The following OR2AK2 variants were observed in gnomAD, a reference collection of about 807,000 sequenced individuals.
OR2AK2 encodes the protein olfactory receptor 2AK2.
For missense variants in OR2AK2, 392 were observed against 384.1 expected, an observed-to-expected ratio of 1.02 and a Z score of -0.17; for synonymous variants, 139 against 147.2, an observed-to-expected ratio of 0.94 and a Z score of 0.40.
rs776368432 is a variant in OR2AK2, at chr1:247,966,156, A to G, written c.780A>G (p.Thr260=). 5 of 1,614,134 alleles carry G rather than the reference A, an allele frequency of 3.1e-6. No individual in the cohort carries two copies. In the South Asian group the frequency reaches 5.5e-5, roughly 18 times the overall value. The change falls in exon 1 of 1, where the codon ACA becomes ACG. Residue 260 remains threonine, a synonymous_variant. Transcript: ENST00000366480. Reference sequence around the variant, plus strand: ...ATGCAACCACTCTCTTTACCTACACAAGGCCACACTCCTTGCGTTCCCCTT... The same window carrying G: ...ATGCAACCACTCTCTTTACCTACACGAGGCCACACTCCTTGCGTTCCCCTT...
exon 1 of OR2AK2, chr1:247,965,655 A>G (rs1375514915): frequency 6.5e-7 from 1 of 1,545,546 alleles, no homozygotes; most frequent in South Asian, 1.3e-5. Context: ...AGACCATTAG[A>G]TTTTTGGGCT....
chr1:247,966,377 T>C (rs1660976968), exon 1 of OR2AK2: 1 of 1,556,560 alleles, frequency 6.4e-7, no homozygotes, highest in African/African-American at 1.4e-5. Flanking sequence ...TCCTGAAAAC[T>C]ATCTGGAAAG....
At chr1:247,966,318 T>C in exon 1 of OR2AK2, 1 of 1,613,016 alleles carries the variant, frequency 6.2e-7, no homozygotes, top group African/African-American at 1.3e-5. Flanking sequence ...GTAGAAAATA[T>C]GACTTCAGAT....
At chr1:247,965,514 C>T (rs1399022882) in exon 1 of OR2AK2, 3 of 1,613,198 alleles carry the variant, frequency 1.9e-6, no homozygotes, top group East Asian at 2.2e-5. Flanking sequence ...TCATGCTGAT[C>T]CACCTCATTC....
At chr1:247,965,793 G>T in exon 1 of OR2AK2, 1 of 1,604,306 alleles carries the variant, frequency 6.2e-7, no homozygotes, top group Non-Finnish European at 8.5e-7. Flanking sequence ...TGAGCAAGAA[G>T]ATCTGCTGCC....
exon 1 of OR2AK2, chr1:247,965,838 C>G (rs747104135): frequency 9.3e-6 from 15 of 1,613,292 alleles, no homozygotes; most frequent in Non-Finnish European, 1.3e-5. Context: ...GTGGTTCTAT[C>G]AATGCTTTCA....
At chr1:247,966,250 C>G (rs1219951619) in exon 1 of OR2AK2, 1 of 1,612,892 alleles carries the variant, frequency 6.2e-7, no homozygotes, top group Admixed American at 1.7e-5. Flanking sequence ...TATCTACAGC[C>G]TGAGAAATAA....
exon 1 of OR2AK2, chr1:247,965,663 G>T: frequency 6.5e-7 from 1 of 1,545,956 alleles, no homozygotes; most frequent in Non-Finnish European, 8.7e-7. Context: ...AGATTTTTGG[G>T]CTGTGAGATT....
chr1:247,966,274 G>T (rs773864972), exon 1 of OR2AK2: 3 of 1,613,672 alleles, frequency 1.9e-6, no homozygotes, highest in Admixed American at 1.7e-5. Flanking sequence ...AGTGACGGGG[G>T]CAGTGAGGAG....
chr1:247,965,937 G>C, exon 1 of OR2AK2: 1 of 1,610,404 alleles, frequency 6.2e-7, no homozygotes, highest in Non-Finnish European at 8.5e-7. Context: ...TACTATCATT[G>C]GTGTGTCAGG....
At chr1:247,965,476 C>T in exon 1 of OR2AK2, 1 of 1,613,894 alleles carries the variant, frequency 6.2e-7, no homozygotes, top group African/African-American at 1.3e-5. Context: ...CATTGCCACC[C>T]TCTTTACAGT....
At chr1:247,965,882 G>C (rs147425585) in exon 1 of OR2AK2, 5 of 1,613,716 alleles carry the variant, frequency 3.1e-6, no homozygotes, top group South Asian at 2.2e-5. Context: ...CTTCCATTCT[G>C]TAGGTCTCGG....
At chr1:247,965,932 T>C in exon 1 of OR2AK2, 1 of 1,611,088 alleles carries the variant, frequency 6.2e-7, no homozygotes, top group Non-Finnish European at 8.5e-7. Flanking sequence ...AGCTCTACTA[T>C]CATTGGTGTG....
exon 1 of OR2AK2, chr1:247,965,874 T>C: frequency 6.2e-7 from 1 of 1,613,870 alleles, no homozygotes; most frequent in Non-Finnish European, 8.5e-7. Context: ...TGTTTCAGCT[T>C]CCATTCTGTA....
exon 1 of OR2AK2, chr1:247,966,175 T>A: frequency 6.2e-7 from 1 of 1,614,116 alleles, no homozygotes; most frequent in Non-Finnish European, 8.5e-7. Flanking sequence ...CTCCTTGCGT[T>A]CCCCTTCACG....
At chr1:247,965,233 T>G (rs1483665741) in exon 1 of OR2AK2, 16 of 963,664 alleles carry the variant, frequency 1.7e-5, no homozygotes, top group Admixed American at 3.6e-5. Flanking sequence ...AAGCACTTTG[T>G]GCTCTAAACA....
exon 1 of OR2AK2, chr1:247,965,564 T>A (rs1660948030): frequency 6.2e-7 from 1 of 1,605,724 alleles, no homozygotes; most frequent in Non-Finnish European, 8.5e-7. Context: ...TACTTTCTGC[T>A]CAGTCAGCTC....
chr1:247,965,779 C>T, exon 1 of OR2AK2: 1 of 1,597,754 alleles, frequency 6.3e-7, no homozygotes. Context: ...TTATCCTATG[C>T]TTATGAGCAA....
In OR2AK2 at chr1:247,965,419, G is replaced by A. The variant is rs1660943391; in HGVS notation, c.43G>A (p.Val15Ile). ...AAGTTTTGGGACAGATTTTCTACTT[G>A]TTGGTCTTTTCCAATATGGCTGGAT... The change falls in exon 1 of 1, where the codon GTT (valine) becomes ATT (isoleucine). Residue 15 changes from valine to isoleucine, a missense_variant. Val to Ile is a conservative substitution (Grantham distance 29). Transcript: ENST00000366480. 2 of 1,612,872 alleles carry A rather than the reference G, an allele frequency of 1.2e-6. 1 individual carries two copies. Among genetic ancestry groups the A allele is most frequent in the Non-Finnish European group, 1.7e-6 (2 of 1,179,428 alleles).
Sources: allele counts gnomAD v4.1 joint callset, GRCh38; gene constraint gnomAD v4.1.1; transcripts MANE v1.5; gene names NCBI Gene and HGNC (gene_info 2026-07-23, HGNC 2026-07-21).